Variants in PIGN observed in about 807,000 individuals in gnomAD.
The protein encoded by PIGN is GPI ethanolamine phosphate transferase 1.
A neutral mutation model predicts 125.4 loss-of-function variants in PIGN; 117 were observed. The observed-to-expected ratio is 0.93, with a 90% CI of 0.80 to 1.09. The LOEUF is 1.09. PIGN is among the 50% of genes least tolerant of loss of function. PIGN has a pLI of 0.00. For missense variants in PIGN, 1,075 were observed against 1,094.9 expected, an observed-to-expected ratio of 0.98 and a Z score of 0.26; for synonymous variants, 392 against 377.8, an observed-to-expected ratio of 1.04 and a Z score of -0.44.
intron 14 of PIGN, among the ~76,000 whole-genome samples, chr18:62,127,559 A>C (rs1224831211): frequency 6.6e-6 from 1 of 152,218 alleles, no homozygotes; most frequent in Admixed American, 6.5e-5. Context: ...ACACTGATAA[A>C]TTATTTAAAA....
intron 30 of PIGN, among the ~76,000 whole-genome samples, chr18:62,057,086 A>G (rs139378147): frequency 7.9e-5 from 12 of 152,316 alleles, no homozygotes; most frequent in South Asian, 2.1e-4. Flanking sequence ...GGACCACTGT[A>G]CTAAAGGACT....
At chr18:62,038,308 G>GTTTTTTTTTTTTTTTTTT (rs34436733), downstream of PIGN, among the ~76,000 whole-genome samples, 1 of 120,086 alleles carries the variant, frequency 8.3e-6, no homozygotes, top group Non-Finnish European at 1.6e-5. Flanking sequence ...CCCCCTCCGT[G>GTTTTTTTTTTTTTTTTTT]TTTTTTTTTT....
intron 11 of PIGN, among the ~76,000 whole-genome samples, chr18:62,142,454 T>C (rs1599618958): frequency 6.6e-6 from 1 of 152,212 alleles, no homozygotes; most frequent in South Asian, 2.1e-4. Context: ...TGATTTTTAA[T>C]GGCAAATTAA....
chr18:62,083,945 T>C (rs1034308520), intron 27 of PIGN, among the ~76,000 whole-genome samples: 1 of 152,138 alleles, frequency 6.6e-6, no homozygotes, highest in African/African-American at 2.4e-5. Flanking sequence ...AACAAATATA[T>C]ACTAAGTAAA....
At chr18:62,092,038 G>T (rs1269917544) in intron 23 of PIGN, among the ~76,000 whole-genome samples, 1 of 151,956 alleles carries the variant, frequency 6.6e-6, no homozygotes, top group South Asian at 2.1e-4. Flanking sequence ...CACTTTAAAC[G>T]CTATTACAAA....
chr18:62,162,185 T>A (rs977622858), intron 3 of PIGN, 68 bp downstream of exon 3: 5 of 152,120 alleles, frequency 3.3e-5, no homozygotes, highest in African/African-American at 1.2e-4. Flanking sequence ...GCTGATGAAC[T>A]TACAAATACT....
chr18:62,171,378 C>G (rs2037340165), intron 1 of PIGN, among the ~76,000 whole-genome samples: 1 of 152,116 alleles, frequency 6.6e-6, no homozygotes, highest in African/African-American at 2.4e-5. Flanking sequence ...TGTGTATATG[C>G]TTTTTAACTT....
chr18:62,143,601 G>A (rs2036214945), intron 10 of PIGN, among the ~76,000 whole-genome samples: 1 of 152,098 alleles, frequency 6.6e-6, no homozygotes, highest in Non-Finnish European at 1.5e-5. Context: ...GGAGATAATT[G>A]TTTCAAAACA....
In PIGN at chr18:62,084,517, A is replaced by G. The variant is rs1173043924; in HGVS notation, c.2502+14T>C. The G allele has an allele frequency of 4.7e-6, 7 of 1,483,534 alleles. No homozygotes were observed. The highest frequency in any genetic ancestry group is 6.4e-6 in the Non-Finnish European group (7 of 1,092,508). The allele number at this position is 1,483,534 out of a possible 1,614,324, so 91.9% of individuals were successfully genotyped here. On this transcript the variant is annotated intron_variant, in intron 27 of 30. Transcript: ENST00000640252. Reference sequence around the variant, plus strand: ...TCAATAGCTTAAGACAAATAACAAAATAAGAAAACTAACCTTCCACATCAT... The same window carrying G: ...TCAATAGCTTAAGACAAATAACAAAGTAAGAAAACTAACCTTCCACATCAT...
chr18:62,058,114 C>T (rs2031858553), intron 30 of PIGN, among the ~76,000 whole-genome samples: 1 of 152,212 alleles, frequency 6.6e-6, no homozygotes, highest in Non-Finnish European at 1.5e-5. Context: ...CTTGTAAAGA[C>T]TCTTTCTTGT....
At chr18:62,113,792 A>C (rs1363163156) in intron 15 of PIGN, among the ~76,000 whole-genome samples, 1 of 152,182 alleles carries the variant, frequency 6.6e-6, no homozygotes, top group Non-Finnish European at 1.5e-5. Flanking sequence ...ACGGATTGGC[A>C]ATTATTTAGG....
At chr18:62,100,536 A>G (rs2146308567) in intron 22 of PIGN, among the ~76,000 whole-genome samples, 1 of 152,354 alleles carries the variant, frequency 6.6e-6, no homozygotes, top group Admixed American at 6.5e-5. Flanking sequence ...TTGTCTTCCA[A>G]CTGGAAGGGA....
At chr18:62,152,445 T>C (rs988327919) in intron 7 of PIGN, among the ~76,000 whole-genome samples, 2 of 152,148 alleles carry the variant, frequency 1.3e-5, no homozygotes, top group South Asian at 4.2e-4. Flanking sequence ...GTCTCTCAGG[T>C]TACATTTTAA....
At chr18:62,161,039 TG>T in intron 4 of PIGN, 93 bp downstream of exon 4, 9 of 750,712 alleles carry the variant, frequency 1.2e-5, no homozygotes, top group Non-Finnish European at 2.0e-5. Context: ...ATCACCCCTG[TG>T]CCCAGTGCAT....
At chr18:62,121,581 T>G (rs906291500) in intron 14 of PIGN, among the ~76,000 whole-genome samples, 1 of 151,712 alleles carries the variant, frequency 6.6e-6, no homozygotes, top group Non-Finnish European at 1.5e-5. Context: ...TTCCTATCTA[T>G]TTTTTTTAGC....
At chr18:62,101,443 G>A (rs1414847115) in intron 21 of PIGN, among the ~76,000 whole-genome samples, 1 of 152,106 alleles carries the variant, frequency 6.6e-6, no homozygotes, top group African/African-American at 2.4e-5. Flanking sequence ...GATATTCTTG[G>A]CTACCCTAGA....
intron 14 of PIGN, 123 bp downstream of exon 14, chr18:62,138,120 T>A: frequency 7.6e-7 from 1 of 1,319,370 alleles, no homozygotes; most frequent in Non-Finnish European, 1.0e-6. Flanking sequence ...AATTTGGAGT[T>A]TACACTAATG....
At chr18:62,130,338 T>A (rs1225760112) in intron 14 of PIGN, among the ~76,000 whole-genome samples, 2 of 152,218 alleles carry the variant, frequency 1.3e-5, no homozygotes, top group African/African-American at 4.8e-5. Flanking sequence ...ATGGTTTTAC[T>A]ATTTGTTGTT....
At position 62,101,161 on chromosome 18, in the gene PIGN, A is replaced by T. The variant is rs776488664; in HGVS notation, c.1991T>A (p.Met664Lys). 6.2e-7 allele frequency: 1 copy of T among 1,603,282 alleles called. No homozygotes were observed. Among genetic ancestry groups the T allele is most frequent in the African/African-American group, 1.3e-5 (1 of 74,912 alleles). ...LLQVLSTVLS[M>K]YVVYSTQSSL... Reference sequence around the variant, plus strand: ...ACTCTGAGTGCTATACACAACATACATGGAGAGCACTGTGCTCAGCACCTA... The same window carrying T: ...ACTCTGAGTGCTATACACAACATACTTGGAGAGCACTGTGCTCAGCACCTA... The change falls in exon 22 of 31, where the codon ATG becomes AAG. Residue 664 changes from methionine (M) to lysine (K), a missense_variant. Physicochemically the swap from Met to Lys is moderately conservative, Grantham distance 95 (BLOSUM62 -1). Transcript: ENST00000640252.
Sources: gnomAD v4.1 joint callset for allele counts (sites outside exome capture counted in the v4.1 genomes callset) on GRCh38, gnomAD v4.1.1 for gene constraint, MANE v1.5 for transcripts, NCBI Gene and HGNC (gene_info 2026-07-23, HGNC 2026-07-21) for gene names.